The following DLC1 variants were observed in gnomAD, a reference collection of about 807,000 sequenced individuals.
DLC1 encodes the protein DLC1 Rho GTPase activating protein, also known as rho GTPase-activating protein 7.
In DLC1, 54 loss-of-function variants were observed where a neutral mutation model predicts 140.3. The observed-to-expected ratio is 0.38, with a 90% CI of 0.31 to 0.48. The LOEUF (loss-of-function observed/expected upper bound fraction) is 0.48. Among genes scored for constraint, DLC1 ranks in the 20% least tolerant of loss-of-function variants. The pLI, the probability that DLC1 is intolerant of heterozygous loss-of-function variation, is 0.96. For missense variants in DLC1, 2,536 were observed against 1,907.0 expected, an observed-to-expected ratio of 1.33 and a Z score of -6.14; for synonymous variants, 986 against 728.1, an observed-to-expected ratio of 1.35 and a Z score of -5.70.
intron 5 of DLC1, among the ~76,000 whole-genome samples, chr8:13,240,660 T>C (rs1168176237): frequency 6.6e-6 from 1 of 152,176 alleles, no homozygotes; most frequent in Non-Finnish European, 1.5e-5. Flanking sequence ...CTCAAACTTC[T>C]GAACTCAAGC....
In DLC1 at chr8:13,479,014, C is replaced by T. The variant is rs138830988; in HGVS notation, c.1023+20035G>A. ...GATCTTACTTTCCTTTCAGAAACAG[C>T]TTTTTCACCCAGCTTCTAGGATTCC... On this transcript the variant is annotated intron_variant, in intron 2 of 17. Transcript: ENST00000276297. Among the ~76,000 whole-genome samples the T allele has an allele frequency of 4.2e-3, 640 of 152,302 alleles. 5 individuals carry two copies. Among genetic ancestry groups the T allele is most frequent in the African/African-American group, 0.015 (614 of 41,566 alleles).
intron 4 of DLC1, among the ~76,000 whole-genome samples, chr8:13,323,493 C>A (rs956370693): frequency 2.0e-5 from 3 of 152,106 alleles, no homozygotes; most frequent in African/African-American, 7.2e-5. Flanking sequence ...TTATTATTTT[C>A]TTGCATCATT....
chr8:13,334,213 G>C (rs1833723887), intron 4 of DLC1, among the ~76,000 whole-genome samples: 1 of 152,056 alleles, frequency 6.6e-6, no homozygotes. Context: ...TGACACAGAG[G>C]AGAGAAGCAG....
At chr8:13,543,782 G>T (rs1039366932) in intron 1 of DLC1, among the ~76,000 whole-genome samples, 1 of 152,114 alleles carries the variant, frequency 6.6e-6, no homozygotes, top group African/African-American at 2.4e-5. Flanking sequence ...GTAATTGGGA[G>T]CTAAGCTATA....
intron 4 of DLC1, among the ~76,000 whole-genome samples, chr8:13,373,249 A>G (rs2117125574): frequency 6.6e-6 from 1 of 152,336 alleles, no homozygotes; most frequent in African/African-American, 2.4e-5. Context: ...GTCTTCCCAG[A>G]TAATGACCAC....
intron 2 of DLC1, among the ~76,000 whole-genome samples, chr8:13,411,017 G>C (rs557131066): frequency 6.6e-6 from 1 of 152,108 alleles, no homozygotes; most frequent in African/African-American, 2.4e-5. Context: ...CTTGGAAAAC[G>C]AAAATGAAGA....
chr8:13,200,412 C>T (rs997611078), intron 5 of DLC1, among the ~76,000 whole-genome samples: 52 of 151,886 alleles, frequency 3.4e-4, no homozygotes, highest in African/African-American at 1.1e-3. Context: ...ATTGAGGTGT[C>T]GAATGATTAA....
In DLC1 at chr8:13,102,823, C is replaced by G; in HGVS notation, c.1533G>C (p.Val511=). The G allele has an allele frequency of 1.2e-6, 2 of 1,614,046 alleles. No homozygotes were observed. The highest frequency in any genetic ancestry group is 2.7e-5 in the African/African-American group (2 of 75,040). ...RRLNTLNKCA[V]MKLEISPHRK... Reference sequence around the variant, plus strand: ...GATGAGGACTAATTTCTAGCTTCATCACCGCACATTTGTTTAAAGTATTTA... The same window carrying G: ...GATGAGGACTAATTTCTAGCTTCATGACCGCACATTTGTTTAAAGTATTTA... The change falls in exon 8 of 18, where the codon GTG becomes GTC. Residue 511 remains valine, a synonymous_variant. Coordinates refer to ENST00000276297, the MANE Select transcript of DLC1 (RefSeq NM_182643.3).
intron 1 of DLC1, among the ~76,000 whole-genome samples, chr8:13,581,414 A>G (rs1805094821): frequency 6.6e-6 from 1 of 152,178 alleles, no homozygotes; most frequent in African/African-American, 2.4e-5. Context: ...CCATTTCAGT[A>G]AATAGAACTA....
At chr8:13,248,447 C>T (rs1240388216) in intron 5 of DLC1, among the ~76,000 whole-genome samples, 2 of 152,154 alleles carry the variant, frequency 1.3e-5, no homozygotes, top group African/African-American at 2.4e-5. Context: ...TCTCCCAACT[C>T]TTTTGAAGTG....
At chr8:13,193,684 G>T (rs1464359834) in intron 5 of DLC1, among the ~76,000 whole-genome samples, 1 of 152,158 alleles carries the variant, frequency 6.6e-6, no homozygotes, top group African/African-American at 2.4e-5. Context: ...AGAACCAAAG[G>T]AAGTGAGTAC....
chr8:13,194,480 C>T (rs961031294), intron 5 of DLC1, among the ~76,000 whole-genome samples: 3 of 152,130 alleles, frequency 2.0e-5, no homozygotes, highest in Non-Finnish European at 2.9e-5. Context: ...TAAAAGAAGG[C>T]CCTGGTGAAC....
At chr8:13,141,219 C>T (rs1822961952) in intron 5 of DLC1, among the ~76,000 whole-genome samples, 1 of 129,424 alleles carries the variant, frequency 7.7e-6, no homozygotes, top group South Asian at 2.5e-4. Context: ...TGCGCCATTG[C>T]ACTCCAGCCT....
intron 2 of DLC1, among the ~76,000 whole-genome samples, chr8:13,478,019 GA>G (rs1332193147): frequency 6.6e-6 from 1 of 152,116 alleles, no homozygotes; most frequent in East Asian, 1.9e-4. Flanking sequence ...TGGTACTAGG[GA>G]AAACCAGGCA....
intron 5 of DLC1, among the ~76,000 whole-genome samples, chr8:13,124,329 C>T (rs1343218220): frequency 6.6e-6 from 1 of 152,058 alleles, no homozygotes; most frequent in Non-Finnish European, 1.5e-5. Context: ...AACTGGATTG[C>T]AGGAGAGGGG....
At chr8:13,547,279 A>T (rs1803684627) in intron 1 of DLC1, among the ~76,000 whole-genome samples, 1 of 152,092 alleles carries the variant, frequency 6.6e-6, no homozygotes, top group Admixed American at 6.6e-5. Context: ...ATATTTTCAT[A>T]GCTTTTTGCA....
At chr8:13,114,340 C>T (rs764071260) in intron 6 of DLC1, among the ~76,000 whole-genome samples, 5 of 152,146 alleles carry the variant, frequency 3.3e-5, no homozygotes, top group East Asian at 1.9e-4. Flanking sequence ...CCAGCCAGGG[C>T]GACAGAGCGA....
intron 5 of DLC1, among the ~76,000 whole-genome samples, chr8:13,222,257 A>T (rs1389791983): frequency 6.6e-6 from 1 of 152,060 alleles, no homozygotes; most frequent in Non-Finnish European, 1.5e-5. Flanking sequence ...GAGAAAAGAG[A>T]TAGAGAAACC....
chr8:13,098,311 G>T, intron 10 of DLC1, 88 bp downstream of exon 10: 1 of 1,444,044 alleles, frequency 6.9e-7, no homozygotes. Context: ...AAGGAGAGAA[G>T]TGTCATTTTT....
Sources: allele counts gnomAD v4.1 joint callset (sites outside exome capture counted in the v4.1 genomes callset), GRCh38; gene constraint gnomAD v4.1.1; transcripts MANE v1.5; gene names NCBI Gene and HGNC (gene_info 2026-07-23, HGNC 2026-07-21).